Variants in CCSER1 observed in about 807,000 individuals in gnomAD.
The protein encoded by CCSER1 is coiled-coil serine rich protein 1.
Under a neutral mutation model 82.0 loss-of-function variants are expected in CCSER1, and 41 were observed. The observed-to-expected ratio is 0.50, with a 90% confidence interval of 0.39 to 0.65. CCSER1 has a LOEUF of 0.65. CCSER1 is among the 30% of genes least tolerant of loss of function. The pLI is 0.00. For synonymous variants in CCSER1, 414 were observed against 383.9 expected, an observed-to-expected ratio of 1.08 and a Z score of -0.92; for missense variants, 1,119 against 1,064.2, an observed-to-expected ratio of 1.05 and a Z score of -0.72.
chr4:90,417,603 G>A (rs1756015686), intron 4 of CCSER1, among the ~76,000 whole-genome samples: 1 of 152,084 alleles, frequency 6.6e-6, no homozygotes, highest in South Asian at 2.1e-4. Context: ...AAAACACCTA[G>A]GGCAGTGTCT....
At chr4:90,399,954 TGC>T in intron 3 of CCSER1, 80 bp from the exon 4 acceptor site, 1 of 663,980 alleles carries the variant, frequency 1.5e-6, no homozygotes, top group Non-Finnish European at 2.6e-6. Flanking sequence ...AATTCATTTT[TGC>T]TTCACGGCTT....
At chr4:91,162,480 G>C (rs1048552764) in intron 10 of CCSER1, among the ~76,000 whole-genome samples, 4 of 152,076 alleles carry the variant, frequency 2.6e-5, no homozygotes, top group Non-Finnish European at 5.9e-5. Context: ...TTTTTCTATT[G>C]ATTGGAATAT....
chr4:90,609,598 C>T (rs1175160817), intron 5 of CCSER1, among the ~76,000 whole-genome samples: 1 of 152,116 alleles, frequency 6.6e-6, no homozygotes, highest in African/African-American at 2.4e-5. Context: ...AACTATAGAG[C>T]ATTGTATCAG....
intron 8 of CCSER1, among the ~76,000 whole-genome samples, chr4:90,869,957 G>T (rs1235685057): frequency 1.3e-5 from 2 of 151,570 alleles, no homozygotes; most frequent in African/African-American, 2.4e-5. Flanking sequence ...TTTATTTGTA[G>T]CTATTGTAAA....
chr4:91,292,638 A>C (rs1028233131), intron 10 of CCSER1, among the ~76,000 whole-genome samples: 3 of 152,178 alleles, frequency 2.0e-5, no homozygotes, highest in South Asian at 4.1e-4. Flanking sequence ...AACTCATTGC[A>C]GAAGTCTGAT....
chr4:90,282,504 CATGA>C (rs1180727949), intron 1 of CCSER1, among the ~76,000 whole-genome samples: 1 of 151,314 alleles, frequency 6.6e-6, no homozygotes, highest in African/African-American at 2.4e-5. Context: ...CAATCTAGAA[CATGA>C]ATGAACTTTT....
At chr4:90,217,786 TTTTC>T (rs1161538014) in intron 1 of CCSER1, among the ~76,000 whole-genome samples, 3 of 152,008 alleles carry the variant, frequency 2.0e-5, no homozygotes, top group Admixed American at 6.6e-5. Flanking sequence ...CCTAATTTCT[TTTTC>T]TTTATTATTA....
chr4:90,833,424 C>T (rs950228959), intron 8 of CCSER1, among the ~76,000 whole-genome samples: 2 of 152,130 alleles, frequency 1.3e-5, no homozygotes, highest in Non-Finnish European at 2.9e-5. Context: ...GGGCTACTTC[C>T]CTTTCTCTAA....
At chr4:90,388,262 C>T (rs1272689407) in intron 3 of CCSER1, among the ~76,000 whole-genome samples, 1 of 151,968 alleles carries the variant, frequency 6.6e-6, no homozygotes, top group African/African-American at 2.4e-5. Flanking sequence ...TTATTTGACA[C>T]AAGAGTGACA....
In CCSER1 at chr4:91,211,273, T is replaced by G. The variant is rs191953149; in HGVS notation, c.2217+125279T>G. Among the ~76,000 whole-genome samples the G allele has an allele frequency of 2.6e-5, 4 of 152,216 alleles. No individual in the cohort carries two copies. In the East Asian group the frequency reaches 7.7e-4, roughly 29 times the overall value. ...TATAACGGAGCAAGTGGTGAGAATC[T>G]GTTGGATTTGAGTTATATTTTGAAA... On this transcript the variant is annotated intron_variant, in intron 10 of 10. Transcript: ENST00000509176.
rs912981280 is a variant in CCSER1, at chr4:90,201,863, G to A, written c.-42+74032G>A. 2.0e-5 allele frequency among the ~76,000 whole-genome samples: 3 copies of A among 152,056 alleles called. No homozygotes were observed. In the South Asian group the frequency reaches 6.2e-4, roughly 31 times the overall value. ...GGAGGAATGCCAGATTTGAAACACT[G>A]TTTACTGAAGATTATCATAGTAGTT... On this transcript the variant is annotated intron_variant, in intron 1 of 10. Coordinates refer to ENST00000509176, the MANE Select transcript of CCSER1 (RefSeq NM_001145065.2).
chr4:90,233,911 G>A (rs947531451), intron 1 of CCSER1, among the ~76,000 whole-genome samples: 2 of 152,032 alleles, frequency 1.3e-5, no homozygotes, highest in South Asian at 2.1e-4. Context: ...ATTAAATTAT[G>A]CCTTTCTTAC....
chr4:91,297,424 T>TGTGTGTGTGTGTG (rs1744301707), intron 10 of CCSER1, among the ~76,000 whole-genome samples: 1 of 133,504 alleles, frequency 7.5e-6, no homozygotes, highest in African/African-American at 2.9e-5. Context: ...TGTGTGTGTG[T>TGTGTGTGTGTGTG]TAGGGAGACA....
chr4:90,574,152 TG>T (rs200572846), intron 5 of CCSER1, among the ~76,000 whole-genome samples: 22 of 151,952 alleles, frequency 1.4e-4, no homozygotes, highest in African/African-American at 3.9e-4. Context: ...TAGTATTTCT[TG>T]TTTTTTTTTA....
intron 6 of CCSER1, chr4:90,649,372 A>C (rs765288702): frequency 2.0e-5 from 3 of 152,212 alleles, no homozygotes; most frequent in Non-Finnish European, 4.4e-5. Flanking sequence ...TCACATGTTG[A>C]AAGACTAACC....
chr4:91,363,564 C>A (rs1296631914), intron 10 of CCSER1, among the ~76,000 whole-genome samples: 1 of 151,708 alleles, frequency 6.6e-6, no homozygotes, highest in African/African-American at 2.4e-5. Flanking sequence ...CTCCCCTTTT[C>A]CTTCTGTCTG....
intron 1 of CCSER1, among the ~76,000 whole-genome samples, chr4:90,191,656 A>G (rs966377596): frequency 6.6e-6 from 1 of 152,048 alleles, no homozygotes; most frequent in African/African-American, 2.4e-5. Context: ...GTGAGGAGAT[A>G]GTGAGAGGGG....
intron 10 of CCSER1, among the ~76,000 whole-genome samples, chr4:91,119,112 C>G (rs1316114605): frequency 6.6e-6 from 1 of 152,128 alleles, no homozygotes; most frequent in Non-Finnish European, 1.5e-5. Context: ...GTAAATCATT[C>G]CCATAATACA....
intron 1 of CCSER1, among the ~76,000 whole-genome samples, chr4:90,270,310 T>C (rs985377642): frequency 6.6e-6 from 1 of 152,062 alleles, no homozygotes; most frequent in Non-Finnish European, 1.5e-5. Context: ...AAAAAGATCA[T>C]TCATAATGAC....
Sources: gnomAD v4.1 joint callset for allele counts (sites outside exome capture counted in the v4.1 genomes callset) on GRCh38, gnomAD v4.1.1 for gene constraint, MANE v1.5 for transcripts, NCBI Gene and HGNC (gene_info 2026-07-23, HGNC 2026-07-21) for gene names.